Variants in TASOR observed in about 807,000 individuals in gnomAD.
The protein encoded by TASOR is protein TASOR.
Under a neutral mutation model 178.6 loss-of-function variants are expected in TASOR, and 53 were observed. The observed-to-expected ratio is 0.30, with a 90% CI of 0.24 to 0.37. The LOEUF is 0.37. Among genes scored for constraint, TASOR ranks in the 10% least tolerant of loss-of-function variants. The pLI is 1.00. For missense variants in TASOR, 1,815 were observed against 1,971.4 expected (o/e 0.92, Z 1.50); for synonymous variants, 713 against 696.2 (o/e 1.02, Z -0.38).
chr3:56,674,117 T>C (rs2031025100), intron 1 of TASOR, among the ~76,000 whole-genome samples: 1 of 148,492 alleles, frequency 6.7e-6, no homozygotes, highest in Non-Finnish European at 1.5e-5. Context: ...AAACTACCTA[T>C]ACCATGTATG....
chr3:56,632,626 CCT>C (rs1446503732), intron 18 of TASOR, among the ~76,000 whole-genome samples: 1 of 152,016 alleles, frequency 6.6e-6, no homozygotes, highest in Non-Finnish European at 1.5e-5. Context: ...TTTATTCCAC[CCT>C]GAGTTAAATT....
intron 18 of TASOR, among the ~76,000 whole-genome samples, chr3:56,629,766 C>G (rs561555809): frequency 6.6e-6 from 1 of 152,250 alleles, no homozygotes; most frequent in South Asian, 2.1e-4. Flanking sequence ...GCTGGTCAGA[C>G]AGCTATAATA....
At chr3:56,639,410 C>CAA (rs66863926) in intron 16 of TASOR, among the ~76,000 whole-genome samples, 3 of 148,776 alleles carry the variant, frequency 2.0e-5, no homozygotes, top group African/African-American at 2.4e-5. Flanking sequence ...AGAATGCTAC[C>CAA]AAAAAAAAAA....
chr3:56,646,961 G>A lies in TASOR; in HGVS notation c.1776C>T (p.Pro592=), dbSNP rs1378575959. The change falls in exon 14 of 24, where the codon CCC becomes CCT. Residue 592 remains proline (P), a synonymous_variant. Transcript: ENST00000683822. ...LDDKKFLYSA[P]RNKSHIDTCL... ...AAGTATCAATATGGGATTTATTTCT[G>A]GGAGCTGAGTATAAGAATTTTTTAT... 5.0e-6 allele frequency: 8 copies of A among 1,611,590 alleles called. No individual in the cohort carries two copies. The South Asian group carries it at 6.7e-5, about 13-fold the overall frequency.
intron 2 of TASOR, among the ~76,000 whole-genome samples, chr3:56,671,931 A>C (rs2030778103): frequency 6.6e-6 from 1 of 152,184 alleles, no homozygotes. Flanking sequence ...TTATAATTTT[A>C]CCACATTCCA....
intron 11 of TASOR, among the ~76,000 whole-genome samples, chr3:56,650,217 A>T (rs115928528): frequency 0.015 from 2,306 of 152,332 alleles, 27 homozygotes; most frequent in Non-Finnish European, 0.02. Context: ...ATTCCTACTA[A>T]AACAATTCCA....
chr3:56,658,590 A>G (rs780982921), intron 11 of TASOR, among the ~76,000 whole-genome samples: 35 of 152,330 alleles, frequency 2.3e-4, no homozygotes, highest in Middle Eastern at 3.4e-3. Flanking sequence ...CATGTAATAC[A>G]AACATAAAAT....
Position 56,641,533 on chromosome 3 carries a change from T to G in TASOR, c.2435A>C (p.His812Pro), listed in dbSNP as rs532427734. Residue 812 changes from histidine (H) to proline (P), a missense_variant, in exon 15 of 24, where the codon CAT becomes CCT. His to Pro is a moderately conservative substitution (Grantham distance 77). Around this residue, in one of 5 missense-constraint regions of TASOR, gnomAD observed 655 missense variants for 671.1 expected, o/e 0.98. Coordinates refer to ENST00000683822, the MANE Select transcript of TASOR (RefSeq NM_001365635.2). ...TGGGGTAGAGTTCAACTCATACTCA[T>G]GTTTTTGCCTCAGCTCTTCATAGGC... ...DDAYEELRQK[H>P]EYELNSTPDK... 5.0e-6 allele frequency: 8 copies of G among 1,614,214 alleles called. No homozygotes were observed. In the East Asian group the frequency reaches 1.6e-4, roughly 31 times the overall value.
intron 23 of TASOR, chr3:56,623,954 C>G (rs1337278190): frequency 3.7e-6 from 3 of 811,270 alleles, no homozygotes; most frequent in Non-Finnish European, 5.6e-6. Context: ...AATGAATGAT[C>G]ATTTCTGCTT....
chr3:56,626,356 C>A (rs1005284601), intron 21 of TASOR, among the ~76,000 whole-genome samples: 7 of 152,134 alleles, frequency 4.6e-5, no homozygotes, highest in African/African-American at 1.7e-4. Context: ...CAAGATTAAT[C>A]CTTGTCCAAA....
At chr3:56,676,656 A>C (rs1039947958) in intron 1 of TASOR, among the ~76,000 whole-genome samples, 4 of 152,248 alleles carry the variant, frequency 2.6e-5, no homozygotes, top group African/African-American at 9.6e-5. Context: ...CATGGCTGCC[A>C]ATTTCTATGA....
rs146807432 is a variant in TASOR, at chr3:56,660,840, A to G, written c.1265-6T>C. 2.3e-3 allele frequency: 3,758 copies of G among 1,612,728 alleles called. 75 individuals are homozygous for G. The African/African-American group carries it at 0.042, about 18-fold the overall frequency. On this transcript the variant is annotated splice_polypyrimidine_tract_variant and splice_region_variant and intron_variant, in intron 10 of 23. Transcript: ENST00000683822. Reference sequence around the variant, plus strand: ...ATACATTCCATTCTTCAAAACTGACATAAGAAAAATACATAGTAAATATCC... The same window carrying G: ...ATACATTCCATTCTTCAAAACTGACGTAAGAAAAATACATAGTAAATATCC...
At chr3:56,626,037 G>C (rs922129208) in intron 21 of TASOR, among the ~76,000 whole-genome samples, 2 of 152,218 alleles carry the variant, frequency 1.3e-5, no homozygotes, top group Non-Finnish European at 2.9e-5. Context: ...TTAATTTCCT[G>C]AACAGTGTAC....
intron 9 of TASOR, among the ~76,000 whole-genome samples, chr3:56,662,083 T>C (rs1020714889): frequency 1.3e-5 from 2 of 151,384 alleles, no homozygotes; most frequent in African/African-American, 4.9e-5. Flanking sequence ...CGAGCCGAGA[T>C]TGCACCACTG....
chr3:56,657,077 C>T (rs1352475855), intron 11 of TASOR, among the ~76,000 whole-genome samples: 1 of 151,832 alleles, frequency 6.6e-6, no homozygotes, highest in Non-Finnish European at 1.5e-5. Context: ...CGCCTGTAAT[C>T]TCAGCACTTT....
At chr3:56,659,279 A>C (rs1449392745) in intron 11 of TASOR, among the ~76,000 whole-genome samples, 6 of 152,210 alleles carry the variant, frequency 3.9e-5, no homozygotes, top group African/African-American at 1.4e-4. Flanking sequence ...CTTGTATTAA[A>C]TGGCGCACCT....
rs2029984219 is a variant in TASOR at position 56,666,450 on chromosome 3, C to CCTGATTT, written c.898-73_898-67dup. The CCTGATTT allele has an allele frequency of 3.2e-6, 4 of 1,251,856 alleles. No individual in the cohort carries two copies. In the East Asian group the frequency reaches 1.1e-4, roughly 35 times the overall value. 77.5% of individuals were successfully genotyped at this position (1,251,856 alleles called of 1,614,324 possible). On this transcript the variant is annotated intron_variant, in intron 6 of 23. Transcript: ENST00000683822. The stretch of plus-strand genomic sequence containing the variant: ...CAAGGTGAAACCTTATATTTAACTG[C>CCTGATTT]CTGATTTCTGAGAAATAGAAAACCA...
intron 8 of TASOR, 83 bp downstream of exon 8, chr3:56,663,457 TA>T: frequency 1.3e-6 from 1 of 798,480 alleles, no homozygotes; most frequent in South Asian, 2.5e-5. Context: ...TCATTCATTA[TA>T]AAAATAATAC....
intron 6 of TASOR, among the ~76,000 whole-genome samples, chr3:56,667,422 C>A (rs1339446452): frequency 1.3e-5 from 2 of 151,996 alleles, no homozygotes; most frequent in African/African-American, 4.8e-5. Context: ...GAGGCTGAGG[C>A]AGACAGGATC....
Sources: gnomAD v4.1 joint callset for allele counts (sites outside exome capture counted in the v4.1 genomes callset) on GRCh38, gnomAD v4.1.1 for gene constraint, gnomAD v4.1.1 regional missense constraint, MANE v1.5 for transcripts, NCBI Gene and HGNC (gene_info 2026-07-23, HGNC 2026-07-21) for gene names.